Variants in MIS18BP1 observed in about 807,000 individuals in gnomAD.
The protein encoded by MIS18BP1 is mis18-binding protein 1.
Under a neutral mutation model 116.1 loss-of-function variants are expected in MIS18BP1, and 72 were observed. The ratio of observed to expected loss-of-function variants is 0.62; its 90% CI spans 0.51 to 0.75. The LOEUF is 0.75. MIS18BP1 is among the 30% of genes least tolerant of loss of function. MIS18BP1 has a pLI of 0.00. For missense variants in MIS18BP1, 1,363 were observed against 1,303.2 expected, an observed-to-expected ratio of 1.05 and a Z score of -0.71; for synonymous variants, 386 against 427.0, an observed-to-expected ratio of 0.90 and a Z score of 1.18.
At chr14:45,232,604 G>A in intron 7 of MIS18BP1, 129 bp downstream of exon 7, 1 of 631,366 alleles carries the variant, frequency 1.6e-6, no homozygotes. Flanking sequence ...AGACCAGTCT[G>A]GCCAACATGA....
chr14:45,231,564 T>C (rs1891279449), intron 7 of MIS18BP1: 1 of 272,388 alleles, frequency 3.7e-6, no homozygotes, highest in Non-Finnish European at 6.8e-6. Context: ...CTTAAACTGA[T>C]ATTATAGGAA....
rs954057845 is a variant in MIS18BP1, at chr14:45,237,821, C to T, written c.1144-100G>A. 6 of 1,424,478 alleles carry T rather than the reference C, an allele frequency of 4.2e-6. No homozygotes were observed. In the South Asian group the frequency reaches 9.1e-5, roughly 22 times the overall value. 88.2% of individuals were successfully genotyped at this position (1,424,478 alleles called of 1,614,324 possible). A position where few individuals can be genotyped will look rare whatever the true frequency, so the allele number is the denominator to read the frequency against. On this transcript the variant is annotated intron_variant, in intron 4 of 16. Coordinates refer to ENST00000310806, the MANE Select transcript of MIS18BP1 (RefSeq NM_018353.5). Reference sequence around the variant, plus strand: ...AAAAGAAAAAACTTGTCTAAGTAATCCAAATATTCCTTAGTGTCATCGATG... The same window carrying T: ...AAAAGAAAAAACTTGTCTAAGTAATTCAAATATTCCTTAGTGTCATCGATG...
At chr14:45,247,507 A>C in intron 1 of MIS18BP1, 130 bp from the exon 2 acceptor site, 1 of 364,686 alleles carries the variant, frequency 2.7e-6, no homozygotes, top group Non-Finnish European at 4.9e-6. Flanking sequence ...ATAATCACAA[A>C]TCAGACTAAG....
intron 2 of MIS18BP1, among the ~76,000 whole-genome samples, chr14:45,245,693 A>C (rs1386260757): frequency 6.6e-6 from 1 of 151,894 alleles, no homozygotes; most frequent in Non-Finnish European, 1.5e-5. Context: ...CTACCTTCCA[A>C]ATGCTGGAGT....
intron 5 of MIS18BP1, 30 bp from the exon 6 acceptor site, chr14:45,235,974 C>A: frequency 1.3e-6 from 2 of 1,543,718 alleles, no homozygotes; most frequent in South Asian, 2.4e-5. Flanking sequence ...TTGGTAAGGT[C>A]AAAATATTCA....
At chr14:45,240,284 T>C (rs919392528) in intron 4 of MIS18BP1, among the ~76,000 whole-genome samples, 2 of 152,114 alleles carry the variant, frequency 1.3e-5, no homozygotes, top group Non-Finnish European at 2.9e-5. Context: ...TGAGAAGGGA[T>C]GGGCAGCAAT....
chr14:45,225,612 C>T (rs1415027402), intron 10 of MIS18BP1, among the ~76,000 whole-genome samples: 1 of 152,082 alleles, frequency 6.6e-6, no homozygotes, highest in Admixed American at 6.6e-5. Context: ...TAGAAACACA[C>T]TCAAAATGAA....
Position 45,250,598 on chromosome 14 carries a change from T to C in MIS18BP1, c.-92+2437A>G, listed in dbSNP as rs147566312. Among the ~76,000 whole-genome samples, 730 of 152,358 alleles carry C rather than the reference T, an allele frequency of 4.8e-3. 8 individuals are homozygous for C. The highest frequency in any genetic ancestry group is 0.017 in the African/African-American group (690 of 41,580). On this transcript the variant is annotated intron_variant, in intron 1 of 16. Transcript: ENST00000310806. ...GGAGAAAGTATGTTTCCGTTTTCATTAACTGCTTAAAGTTGTTTGGAAAAA... is the reference window on the plus strand; with the variant it reads ...GGAGAAAGTATGTTTCCGTTTTCATCAACTGCTTAAAGTTGTTTGGAAAAA...
intron 11 of MIS18BP1, among the ~76,000 whole-genome samples, chr14:45,221,756 G>A (rs1352291406): frequency 1.3e-5 from 2 of 152,110 alleles, no homozygotes; most frequent in East Asian, 1.9e-4. Flanking sequence ...TGAATCATAC[G>A]AATGACTGAT....
At position 45,206,063 on chromosome 14, in the gene MIS18BP1, G is replaced by A; in HGVS notation, c.3240+20C>T. ...TAAAGTTGTTTCATAGATATGTATT[G>A]GATAAAGAAAAATACTTACTAATTT... is the stretch of plus-strand genomic sequence containing the variant. On this transcript the variant is annotated intron_variant, in intron 15 of 16. Coordinates refer to ENST00000310806, the MANE Select transcript of MIS18BP1 (RefSeq NM_018353.5). 6.7e-7 allele frequency: 1 copy of A among 1,490,726 alleles called. No individual in the cohort carries two copies. Among genetic ancestry groups the A allele is most frequent in the Non-Finnish European group, 9.3e-7 (1 of 1,072,816 alleles). The allele number at this position is 1,490,726 out of a possible 1,614,324, so 92.3% of individuals were successfully genotyped here.
chr14:45,231,616 G>C (rs1489573735), intron 7 of MIS18BP1, among the ~76,000 whole-genome samples: 1 of 152,204 alleles, frequency 6.6e-6, no homozygotes, highest in Admixed American at 6.5e-5. Context: ...TGTAAATGAA[G>C]TTTATTAAAA....
intron 1 of MIS18BP1, among the ~76,000 whole-genome samples, chr14:45,248,229 G>A (rs1007213918): frequency 3.3e-5 from 5 of 151,384 alleles, no homozygotes; most frequent in Non-Finnish European, 5.9e-5. Context: ...CACCACACCC[G>A]GCTAATTTTG....
intron 8 of MIS18BP1, among the ~76,000 whole-genome samples, chr14:45,229,959 C>A (rs908602038): frequency 6.6e-6 from 1 of 152,282 alleles, no homozygotes; most frequent in Non-Finnish European, 1.5e-5. Context: ...GGGAAGCAGT[C>A]ATCTACATAT....
At position 45,223,848 on chromosome 14, in the gene MIS18BP1, G is replaced by A. The variant is rs768576178; in HGVS notation, c.2669+70C>T. On this transcript the variant is annotated intron_variant, in intron 11 of 16. Coordinates refer to ENST00000310806, the MANE Select transcript of MIS18BP1 (RefSeq NM_018353.5). Reference sequence around the variant, plus strand: ...ACATCTTCCATGTTAACCCCTTATTGCTATTTTTATGTCTTTAACTGTCTT... The same window carrying A: ...ACATCTTCCATGTTAACCCCTTATTACTATTTTTATGTCTTTAACTGTCTT... The A allele has an allele frequency of 1.6e-4, 183 of 1,148,448 alleles. 1 individual carries two copies. Among genetic ancestry groups the A allele is most frequent in the Non-Finnish European group, 2.2e-4 (179 of 825,310 alleles). 71.1% of individuals were successfully genotyped at this position (1,148,448 alleles called of 1,614,324 possible).
rs758866821 is a variant in MIS18BP1, at chr14:45,246,842, T to C, written c.445A>G (p.Thr149Ala). The C allele has an allele frequency of 4.3e-6, 7 of 1,610,532 alleles. No homozygotes were observed. The African/African-American group carries it at 8.0e-5, about 19-fold the overall frequency. The change falls in exon 2 of 17, where the codon ACT becomes GCT. Residue 149 changes from threonine to alanine, a missense_variant. Transcript: ENST00000310806. ...PQKSGNNETF[T>A]PNRVEKKKLQ... ...TTTTTTTTTTCAACTCTGTTAGGAG[T>C]GAAGGTTTCATTATTTCCACTTTTC...
Position 45,242,885 on chromosome 14 carries a change from A to AT in MIS18BP1, c.545-12dup. On this transcript the variant is annotated splice_polypyrimidine_tract_variant and intron_variant, in intron 2 of 16. Transcript: ENST00000310806. ...CTCCTTGGACTGAGGCTAAGGTTTTATTTTTTAAAGAAAGAAGAAGTTGAA... is the reference window on the plus strand; with the variant it reads ...CTCCTTGGACTGAGGCTAAGGTTTTATTTTTTTAAAGAAAGAAGAAGTTGAA... The AT allele has an allele frequency of 6.5e-7, 1 of 1,538,098 alleles. No homozygotes were observed. Among genetic ancestry groups the AT allele is most frequent in the Non-Finnish European group, 8.8e-7 (1 of 1,135,246 alleles).
In MIS18BP1 at chr14:45,232,832, T is replaced by C. The variant is rs377357189; in HGVS notation, c.1349-12A>G. The C allele has an allele frequency of 2.6e-5, 31 of 1,211,616 alleles. No homozygotes were observed. The African/African-American group carries it at 4.0e-4, about 15-fold the overall frequency. 75.1% of individuals were successfully genotyped at this position (1,211,616 alleles called of 1,614,324 possible). A position where few individuals can be genotyped will look rare whatever the true frequency, so the allele number is the denominator to read the frequency against. On this transcript the variant is annotated splice_polypyrimidine_tract_variant and intron_variant, in intron 6 of 16. Transcript: ENST00000310806. Reference sequence around the variant, plus strand: ...ATAATTTGGATATCCTATTTAAGGATAAACAACAACAAAAAGTATTTAAAA... The same window carrying C: ...ATAATTTGGATATCCTATTTAAGGACAAACAACAACAAAAAGTATTTAAAA...
At chr14:45,240,939 GT>G (rs1263692163) in intron 4 of MIS18BP1, among the ~76,000 whole-genome samples, 3 of 151,826 alleles carry the variant, frequency 2.0e-5, no homozygotes, top group African/African-American at 4.8e-5. Context: ...AATAAATAAA[GT>G]TTAAATATTT....
At chr14:45,225,750 T>C (rs576854937) in intron 10 of MIS18BP1, among the ~76,000 whole-genome samples, 2 of 152,208 alleles carry the variant, frequency 1.3e-5, no homozygotes, top group South Asian at 4.1e-4. Context: ...TAATGAGAAG[T>C]CAAACTAACT....
Sources: allele counts gnomAD v4.1 joint callset (sites outside exome capture counted in the v4.1 genomes callset), GRCh38; gene constraint gnomAD v4.1.1; transcripts MANE v1.5; gene names NCBI Gene and HGNC (gene_info 2026-07-23, HGNC 2026-07-21).